Variants in ACMSD observed in about 807,000 individuals in gnomAD.
ACMSD encodes 2-amino-3-carboxymuconate-6-semialdehyde decarboxylase.
In ACMSD, 37 loss-of-function variants were observed where a neutral mutation model predicts 45.9. The ratio of observed to expected loss-of-function variants is 0.81; its 90% CI spans 0.62 to 1.06. The LOEUF (loss-of-function observed/expected upper bound fraction) is 1.06, where lower values mean the gene tolerates loss of function less well. ACMSD is among the 50% of genes least tolerant of loss of function. The pLI is 0.00. For missense variants in ACMSD, 434 were observed against 420.9 expected, an observed-to-expected ratio of 1.03 and a Z score of -0.27; for synonymous variants, 138 against 148.8, an observed-to-expected ratio of 0.93 and a Z score of 0.53.
intron 8 of ACMSD, among the ~76,000 whole-genome samples, chr2:134,885,299 A>G (rs1244395732): frequency 1.2e-5 from 1 of 86,944 alleles, no homozygotes; most frequent in South Asian, 4.3e-4. Flanking sequence ...ATTTATATAT[A>G]TATTTAAATA....
intron 8 of ACMSD, among the ~76,000 whole-genome samples, chr2:134,886,909 C>A (rs1221904762): frequency 6.6e-5 from 10 of 152,094 alleles, no homozygotes; most frequent in Non-Finnish European, 5.9e-5. Context: ...CAGGACATAA[C>A]GGCAATATTT....
intron 1 of ACMSD, chr2:134,844,568 C>T (rs1686963874): frequency 6.5e-6 from 1 of 152,968 alleles, no homozygotes; most frequent in South Asian, 2.1e-4. Context: ...ACAACTCCCT[C>T]AATTATCTGT....
chr2:134,849,959 TG>T (rs769570128), intron 2 of ACMSD, among the ~76,000 whole-genome samples: 4 of 112,392 alleles, frequency 3.6e-5, no homozygotes, highest in Non-Finnish European at 6.7e-5. Flanking sequence ...CCCAGGGCCT[TG>T]GGAACACACA....
intron 4 of ACMSD, 33 bp from the exon 5 acceptor site, chr2:134,863,362 A>G (rs1381628048): frequency 3.8e-6 from 6 of 1,598,282 alleles, no homozygotes; most frequent in South Asian, 1.1e-5. Flanking sequence ...TAGGTTTTCA[A>G]CAATGCGGTT....
intron 8 of ACMSD, among the ~76,000 whole-genome samples, chr2:134,892,081 T>C (rs910451330): frequency 2.6e-5 from 4 of 151,736 alleles, no homozygotes; most frequent in Admixed American, 2.0e-4. Context: ...CTTGGAAGGG[T>C]GGGAGGGTGG....
chr2:134,842,637 G>A (rs756179660), intron 1 of ACMSD, among the ~76,000 whole-genome samples: 3 of 151,908 alleles, frequency 2.0e-5, no homozygotes, highest in Non-Finnish European at 4.4e-5. Context: ...CATCACCACC[G>A]TCACCATCAG....
At chr2:134,867,478 C>T (rs950920544) in intron 5 of ACMSD, 101 bp from the exon 6 acceptor site, 1 of 841,954 alleles carries the variant, frequency 1.2e-6, no homozygotes, top group Admixed American at 2.1e-5. Flanking sequence ...TTTGTGCAGA[C>T]CAATATAGAC....
At chr2:134,847,074 T>C (rs1403676161) in intron 2 of ACMSD, among the ~76,000 whole-genome samples, 2 of 152,064 alleles carry the variant, frequency 1.3e-5, no homozygotes, top group African/African-American at 2.4e-5. Flanking sequence ...TAGTAGGAAA[T>C]GGGCTGGCAA....
intron 8 of ACMSD, among the ~76,000 whole-genome samples, chr2:134,882,223 T>TA (rs1689075327): frequency 6.6e-6 from 1 of 152,236 alleles, no homozygotes. Context: ...GGTTACAAGA[T>TA]ATTTTCCTGT....
intron 8 of ACMSD, among the ~76,000 whole-genome samples, chr2:134,884,425 G>A (rs1190819918): frequency 6.6e-6 from 1 of 152,146 alleles, no homozygotes; most frequent in Non-Finnish European, 1.5e-5. Context: ...ACTGGAAATG[G>A]AAGAATTCCA....
At chr2:134,839,988 G>A (rs549908256) in intron 1 of ACMSD, among the ~76,000 whole-genome samples, 10 of 151,692 alleles carry the variant, frequency 6.6e-5, no homozygotes, top group East Asian at 5.8e-4. Context: ...ATCTTATGGC[G>A]CCCACCACTT....
At chr2:134,861,887 G>A (rs1272401398) in intron 3 of ACMSD, 82 bp from the exon 4 acceptor site, 1 of 1,499,318 alleles carries the variant, frequency 6.7e-7, no homozygotes, top group Non-Finnish European at 9.3e-7. Context: ...GTGGAGGCTT[G>A]CTGCCGCTTG....
chr2:134,845,390 G>A (rs2104813972), intron 2 of ACMSD, 113 bp downstream of exon 2: 1 of 1,151,694 alleles, frequency 8.7e-7, no homozygotes, highest in East Asian at 2.4e-5. Context: ...CCATGTATTA[G>A]CTTTGTTGTA....
In ACMSD at chr2:134,847,441, TAG is replaced by T. The variant is rs1384197197; in HGVS notation, c.102+2166_102+2167del. On this transcript the variant is annotated intron_variant, in intron 2 of 9. Coordinates refer to ENST00000356140, the MANE Select transcript of ACMSD (RefSeq NM_138326.3). ...ATAGATAGATAGATAGATAGATAGA[TAG>T]ATAGATATAGATAGAGATAGAGATA... Among the ~76,000 whole-genome samples, 105 of 145,448 alleles carry T rather than the reference TAG, an allele frequency of 7.2e-4. 1 individual carries two copies. Among genetic ancestry groups the T allele is most frequent in the African/African-American group, 2.5e-3 (98 of 39,252 alleles).
rs77833521 is a variant in ACMSD, at chr2:134,894,474, A to T, written c.850-3867A>T. ...TTAAGATACTGAATTAATAATTTTC[A>T]ATCTTCCCACAAAGAAAAGCTGATG... On this transcript the variant is annotated intron_variant, in intron 8 of 9. Transcript: ENST00000356140. 3.0e-3 allele frequency among the ~76,000 whole-genome samples: 459 copies of T among 152,312 alleles called. 1 individual carries two copies. Among genetic ancestry groups the T allele is most frequent in the African/African-American group, 0.01 (430 of 41,586 alleles).
chr2:134,852,300 C>A (rs1218335396), intron 2 of ACMSD, among the ~76,000 whole-genome samples: 1 of 152,068 alleles, frequency 6.6e-6, no homozygotes, highest in Admixed American at 6.6e-5. Context: ...ACTCTGACCA[C>A]TTTGTGGAGA....
intron 2 of ACMSD, among the ~76,000 whole-genome samples, chr2:134,848,204 A>G (rs941494099): frequency 6.6e-6 from 1 of 152,192 alleles, no homozygotes. Flanking sequence ...GTTGGTTCCA[A>G]GTCTTTGCTA....
At chr2:134,866,125 A>C (rs1247850349) in intron 5 of ACMSD, among the ~76,000 whole-genome samples, 2 of 152,100 alleles carry the variant, frequency 1.3e-5, no homozygotes, top group Non-Finnish European at 2.9e-5. Context: ...ACTGAACAGA[A>C]ATGAGGGTGG....
chr2:134,869,320 C>T (rs944374309), intron 6 of ACMSD, among the ~76,000 whole-genome samples: 8 of 152,114 alleles, frequency 5.3e-5, no homozygotes, highest in Non-Finnish European at 1.2e-4. Context: ...TCAAGTGATT[C>T]TCCTGCCTCA....
Sources: gnomAD v4.1 joint callset for allele counts (sites outside exome capture counted in the v4.1 genomes callset) on GRCh38, gnomAD v4.1.1 for gene constraint, MANE v1.5 for transcripts, NCBI Gene and HGNC (gene_info 2026-07-23, HGNC 2026-07-21) for gene names.